Variants in INF2 observed in about 807,000 individuals in gnomAD.
INF2 encodes the protein inverted formin 2.
INF2 carries 43 observed loss-of-function variants against 123.5 expected under a neutral mutation model. The observed-to-expected ratio is 0.35, with a 90% CI of 0.27 to 0.45. The LOEUF is 0.45. Among genes scored for constraint, INF2 ranks in the 20% least tolerant of loss-of-function variants. The pLI, the probability that INF2 is intolerant of heterozygous loss-of-function variation, is 1.00. For synonymous variants in INF2, 851 were observed against 745.0 expected (o/e 1.14, Z -2.32); for missense variants, 1,453 against 1,682.7 (o/e 0.86, Z 2.39).
At chr14:104,709,211 G>A (rs1162156039) in intron 10 of INF2, 70 bp from the exon 11 acceptor site, 10 of 1,212,774 alleles carry the variant, frequency 8.2e-6, no homozygotes, top group Middle Eastern at 1.9e-4. Context: ...TGCCAGGTGG[G>A]GTCCCAAAGA....
In INF2 at chr14:104,710,240, G is replaced by A. The variant is rs991857472; in HGVS notation, c.2239+52G>A. 33 of 1,362,150 alleles carry A rather than the reference G, an allele frequency of 2.4e-5. No individual in the cohort carries two copies. In the Middle Eastern group the frequency reaches 7.3e-4, roughly 30 times the overall value. The allele number at this position is 1,362,150 out of a possible 1,614,324, so 84.4% of individuals were successfully genotyped here. A position where few individuals can be genotyped will look rare whatever the true frequency, so the allele number is the denominator to read the frequency against. On this transcript the variant is annotated intron_variant, in intron 13 of 22. Transcript: ENST00000392634. The stretch of plus-strand genomic sequence containing the variant: ...TGCAGGAGGGACAGGCCTCCGAACC[G>A]GGGCGGGAGGGCTGCTCGGGGCCCC...
At chr14:104,711,782 A>G (rs1019068995) in intron 16 of INF2, 83 bp downstream of exon 16, 1 of 1,333,202 alleles carries the variant, frequency 7.5e-7, no homozygotes, top group Non-Finnish European at 1.1e-6. Flanking sequence ...GCTGCCCGCC[A>G]GGGCTGGGTC....
chr14:104,710,888 T>C (rs1405943069), intron 13 of INF2, 49 bp from the exon 14 acceptor site: 1 of 1,559,104 alleles, frequency 6.4e-7, no homozygotes, highest in Non-Finnish European at 8.8e-7. Context: ...CCAGGGCATC[T>C]GGGGGCTCCG....
In INF2 at chr14:104,703,096, C is replaced by A; in HGVS notation, c.392-9C>A. On this transcript the variant is annotated splice_polypyrimidine_tract_variant and intron_variant, in intron 2 of 22. Coordinates refer to ENST00000392634, the MANE Select transcript of INF2 (RefSeq NM_022489.4). Reference sequence around the variant, plus strand: ...GGCCCTGCTGAGCCTGCCCACTCCACCCTGGCAGCCCTGGACACATCCAAC... The same window carrying A: ...GGCCCTGCTGAGCCTGCCCACTCCAACCTGGCAGCCCTGGACACATCCAAC... The A allele has an allele frequency of 6.2e-7, 1 of 1,610,078 alleles. No individual in the cohort carries two copies. Among genetic ancestry groups the A allele is most frequent in the Non-Finnish European group, 8.5e-7 (1 of 1,177,030 alleles).
intron 22 of INF2, chr14:104,715,970 G>T (rs770940924): frequency 4.4e-6 from 2 of 455,998 alleles, no homozygotes; most frequent in African/African-American, 4.0e-5. Flanking sequence ...ATTACCCCCC[G>T]CACACCGAGT....
rs1292771089 is a variant in INF2 at position 104,713,467 on chromosome 14, G to A, written c.2901G>A (p.Gln967=). 3 of 1,611,358 alleles carry A rather than the reference G, an allele frequency of 1.9e-6. No homozygotes were observed. The African/African-American group carries it at 4.0e-5, about 22-fold the overall frequency. ...GKPVRKGPGK[Q]EEVCVIDALL... is the part of the protein sequence containing the mutation. ...CAGTCAGGAAGGGGCCCGGGAAGCA[G>A]GAGGAGGTGTGTGTCATCGATGCCC... The change falls in exon 20 of 23, where the codon CAG becomes CAA. Residue 967 remains glutamine, a synonymous_variant. Coordinates refer to ENST00000392634, the MANE Select transcript of INF2 (RefSeq NM_022489.4).
At position 104,713,003 on chromosome 14, in the gene INF2, C is replaced by G; in HGVS notation, c.2775+11C>G. 6.2e-7 allele frequency: 1 copy of G among 1,612,044 alleles called. No homozygotes were observed. The highest frequency in any genetic ancestry group is 8.5e-7 in the Non-Finnish European group (1 of 1,179,732). Reference sequence around the variant, plus strand: ...CTCCGCGCCCTGAAGGTGGGGCAGCCCGGCGGGACACAGCCTGTCTGGCTA... The same window carrying G: ...CTCCGCGCCCTGAAGGTGGGGCAGCGCGGCGGGACACAGCCTGTCTGGCTA... On this transcript the variant is annotated intron_variant, in intron 18 of 22. Transcript: ENST00000392634.
upstream of INF2, chr14:104,689,381 C>A: frequency 1.6e-6 from 1 of 608,926 alleles, no homozygotes; most frequent in Non-Finnish European, 2.1e-6. Flanking sequence ...CCACCCCCAT[C>A]TCCGCCCACC....
Position 104,707,780 on chromosome 14 carries a change from C to A in INF2, c.1513C>A (p.Pro505Thr). 2.9e-6 allele frequency: 4 copies of A among 1,391,180 alleles called. No individual in the cohort carries two copies. The highest frequency in any genetic ancestry group is 4.0e-6 in the Non-Finnish European group (4 of 1,010,990). 86.2% of individuals were successfully genotyped at this position (1,391,180 alleles called of 1,614,324 possible). A position where few individuals can be genotyped will look rare whatever the true frequency, so the allele number is the denominator to read the frequency against. ...PGLGCPPPPP[P>T]LLPGMGWGPP... ...CTTGGGATGCCCGCCCCCACCCCCA[C>A]CCCTGCTGCCTGGTATGGGCTGGGG... is the stretch of plus-strand genomic sequence containing the variant. The change falls in exon 8 of 23, where the codon CCC becomes ACC. Residue 505 changes from proline (P) to threonine (T), a missense_variant. Physicochemically the swap from Pro to Thr is conservative, Grantham distance 38. Around this residue, in one of 8 missense-constraint regions of INF2, gnomAD observed 374 missense variants for 303.7 expected, o/e 1.23. Transcript: ENST00000392634.
intron 1 of INF2, among the ~76,000 whole-genome samples, chr14:104,683,381 T>C (rs566655128): frequency 6.8e-4 from 104 of 152,262 alleles, no homozygotes; most frequent in Non-Finnish European, 1.3e-3. Context: ...CCTGGGTGCC[T>C]GGGTCCCCCA....
rs1165097294 is a variant in INF2 at position 104,721,193 on chromosome 14, C to T, written c.*2400C>T. ...GTGTGGATGCTGCTATGGACGTCTG[C>T]GTAGTCTCGTGTGGATGCTGCTGTG... is the stretch of plus-strand genomic sequence containing the variant. On this transcript the variant is annotated 3_prime_UTR_variant, in exon 23 of 23. Coordinates refer to ENST00000392634, the MANE Select transcript of INF2 (RefSeq NM_022489.4). The T allele has an allele frequency of 5.1e-5, 6 of 117,988 alleles. No individual in the cohort carries two copies. Among genetic ancestry groups the T allele is most frequent in the Non-Finnish European group, 7.0e-5 (4 of 57,106 alleles). 7.3% of individuals were successfully genotyped at this position (117,988 alleles called of 1,614,324 possible).
chr14:104,684,161 C>T lies in INF2; in HGVS notation c.-104+2579C>T. On this transcript the variant is annotated intron_variant, in intron 1 of 2. Coordinates refer to the INF2 transcript ENST00000674723. The surrounding 1 kb of genome is among the most constrained non-coding windows in gnomAD (Gnocchi z 5.0). ...CCCCATCATGCAAGTAACCTGCGTGCCGCCACGGGAAACAGCACGCATCCC... is the reference window on the plus strand; with the variant it reads ...CCCCATCATGCAAGTAACCTGCGTGTCGCCACGGGAAACAGCACGCATCCC... 2.2e-6 allele frequency: 1 copy of T among 455,782 alleles called. No homozygotes were observed. Among genetic ancestry groups the T allele is most frequent in the Non-Finnish European group, 4.4e-6 (1 of 226,610 alleles). The allele number at this position is 455,782 out of a possible 1,614,324, so 28.2% of individuals were successfully genotyped here.
In INF2 at chr14:104,703,102, C is replaced by A; in HGVS notation, c.392-3C>A. On this transcript the variant is annotated splice_region_variant and splice_polypyrimidine_tract_variant and intron_variant, in intron 2 of 22. Transcript: ENST00000392634. ...GCTGAGCCTGCCCACTCCACCCTGG[C>A]AGCCCTGGACACATCCAACGTGATG... 1 of 1,611,744 alleles carries A rather than the reference C, an allele frequency of 6.2e-7. No homozygotes were observed. The highest frequency in any genetic ancestry group is 8.5e-7 in the Non-Finnish European group (1 of 1,178,478).
chr14:104,707,734 A>G lies in INF2; in HGVS notation c.1467A>G (p.Pro489=), dbSNP rs1383992230. 3.6e-6 allele frequency: 3 copies of G among 834,668 alleles called. No individual in the cohort carries two copies. The highest frequency in any genetic ancestry group is 3.1e-6 in the Non-Finnish European group (2 of 636,860). 51.7% of individuals were successfully genotyped at this position (834,668 alleles called of 1,614,324 possible). Reference sequence around the variant, plus strand: ...CAGGCTCCTGTGAGTTCCTGCCCCCACCACCTCCACCACTCCCGGGCTTGG... The same window carrying G: ...CAGGCTCCTGTGAGTTCCTGCCCCCGCCACCTCCACCACTCCCGGGCTTGG... ...PLPGSCEFLP[P]PPPPLPGLGC... Residue 489 remains proline (P), a synonymous_variant, in exon 8 of 23, where the codon CCA becomes CCG. Transcript: ENST00000392634.
At chr14:104,686,652 T>C (rs190482207), upstream of INF2, among the ~76,000 whole-genome samples, 40 of 152,224 alleles carry the variant, frequency 2.6e-4, 1 homozygote, top group Admixed American at 2.0e-3. Flanking sequence ...GGAAAAAAGA[T>C]AAAAAGCATT....
chr14:104,711,516 G>A, intron 15 of INF2, 113 bp from the exon 16 acceptor site: 1 of 919,032 alleles, frequency 1.1e-6, no homozygotes, highest in Non-Finnish European at 1.8e-6. Context: ...TGGAGTACTG[G>A]GGGTTTTCTG....
At chr14:104,696,504 C>T (rs964255817) in intron 1 of INF2, among the ~76,000 whole-genome samples, 1 of 152,238 alleles carries the variant, frequency 6.6e-6, no homozygotes, top group Non-Finnish European at 1.5e-5. Flanking sequence ...AGTAGAGGTC[C>T]CTCAAGGGGC....
upstream of INF2, among the ~76,000 whole-genome samples, chr14:104,686,761 C>A (rs1056975050): frequency 2.6e-5 from 4 of 152,344 alleles, no homozygotes; most frequent in South Asian, 2.1e-4. Flanking sequence ...CCGCCTGCTG[C>A]ATGCAGGGCT....
chr14:104,682,109 T>C (rs1304219577), intron 1 of INF2, among the ~76,000 whole-genome samples: 1 of 152,118 alleles, frequency 6.6e-6, no homozygotes, highest in African/African-American at 2.4e-5. Context: ...ACAGCCAGTG[T>C]ATGTGGAGTC....
Sources: allele counts gnomAD v4.1 joint callset (sites outside exome capture counted in the v4.1 genomes callset), GRCh38; gene constraint gnomAD v4.1.1; regional missense constraint gnomAD v4.1.1; non-coding constraint Gnocchi (gnomAD v3.1); transcripts MANE v1.5; gene names NCBI Gene and HGNC (gene_info 2026-07-23, HGNC 2026-07-21).